The following LGALS3 variants were observed in gnomAD, a reference collection of about 807,000 sequenced individuals.
LGALS3 encodes galectin-3.
Under a neutral mutation model 20.7 loss-of-function variants are expected in LGALS3, and 18 were observed. The observed-to-expected ratio is 0.87, with a 90% CI of 0.60 to 1.29. The LOEUF (loss-of-function observed/expected upper bound fraction) is 1.29, where lower values mean the gene tolerates loss of function less well. LGALS3 is among the 50% of genes most tolerant of loss of function. The pLI is 0.00. For missense variants in LGALS3, 315 were observed against 314.7 expected (o/e 1.00, Z -0.01); for synonymous variants, 112 against 119.6 (o/e 0.94, Z 0.42).
chr14:55,140,190 A>G, intron 3 of LGALS3, 85 bp from the exon 4 acceptor site: 1 of 848,196 alleles, frequency 1.2e-6, no homozygotes, highest in East Asian at 2.6e-5. Context: ...CACACATATT[A>G]ATAGTGATGG....
At chr14:55,142,508 G>T (rs539256073) in intron 4 of LGALS3, 76 bp from the exon 5 acceptor site, 3 of 1,274,604 alleles carry the variant, frequency 2.4e-6, no homozygotes, top group African/African-American at 3.0e-5. Context: ...TTGCTTTTTA[G>T]AAAATTACAT....
intron 4 of LGALS3, 145 bp downstream of exon 4, chr14:55,140,508 G>C (rs1566782802): frequency 5.2e-6 from 3 of 574,660 alleles, no homozygotes; most frequent in Non-Finnish European, 9.3e-6. Flanking sequence ...TTAGAATCTT[G>C]GCTATACCAT....
At position 55,129,523 on chromosome 14, in the gene LGALS3, G is replaced by C. The variant is rs1347341782; in HGVS notation, c.-5+223G>C. On this transcript the variant is annotated intron_variant, in intron 1 of 5. Coordinates refer to ENST00000254301, the MANE Select transcript of LGALS3 (RefSeq NM_002306.4). The surrounding 1 kb of genome is among the most constrained non-coding windows in gnomAD (Gnocchi z 5.3). ...TTGATTATCGAGGGCGCTGGCGTTC[G>C]GGGAAGGTTGGCAGCACCTTACGAG... 6.6e-6 allele frequency among the ~76,000 whole-genome samples: 1 copy of C among 152,028 alleles called. No homozygotes were observed. The highest frequency in any genetic ancestry group is 1.5e-5 in the Non-Finnish European group (1 of 67,968).
At chr14:55,142,551 T>C in intron 4 of LGALS3, 33 bp from the exon 5 acceptor site, 1 of 1,569,772 alleles carries the variant, frequency 6.4e-7, no homozygotes, top group Non-Finnish European at 8.8e-7. Flanking sequence ...ACAGCTTTAA[T>C]CATTTTAATA....
intron 5 of LGALS3, among the ~76,000 whole-genome samples, chr14:55,144,415 A>G (rs896655282): frequency 1.3e-5 from 2 of 152,146 alleles, no homozygotes; most frequent in African/African-American, 2.4e-5. Flanking sequence ...AAGTGTTGGG[A>G]TTACAGGCGT....
intron 5 of LGALS3, 58 bp downstream of exon 5, chr14:55,142,807 T>TA: frequency 6.4e-6 from 9 of 1,412,544 alleles, no homozygotes; most frequent in Non-Finnish European, 8.9e-6. Context: ...GGAATCACTC[T>TA]AAAACCCCAA....
At chr14:55,140,222 T>G (rs1317544673) in intron 3 of LGALS3, 53 bp from the exon 4 acceptor site, 20 of 1,187,314 alleles carry the variant, frequency 1.7e-5, no homozygotes, top group African/African-American at 3.0e-5. Context: ...CATCGTTTTT[T>G]CCCCAAAGAA....
rs1233573597 is a variant in LGALS3 at position 55,129,831 on chromosome 14, A to G, written c.-5+531A>G. On this transcript the variant is annotated intron_variant, in intron 1 of 5. Coordinates refer to ENST00000254301, the MANE Select transcript of LGALS3 (RefSeq NM_002306.4). The surrounding 1 kb of genome is among the most constrained non-coding windows in gnomAD (Gnocchi z 5.3). Reference sequence around the variant, plus strand: ...CGGGGGAGCGAAGGGACTTCCCAGGACTGCATAGGGCGCCTCCCGGGACCC... The same window carrying G: ...CGGGGGAGCGAAGGGACTTCCCAGGGCTGCATAGGGCGCCTCCCGGGACCC... 6.6e-6 allele frequency among the ~76,000 whole-genome samples: 1 copy of G among 152,132 alleles called. No homozygotes were observed. Among genetic ancestry groups the G allele is most frequent in the African/African-American group, 2.4e-5 (1 of 41,428 alleles).
Position 55,138,233 on chromosome 14 carries a change from T to A in LGALS3, c.207T>A (p.Ala69=). 5 of 1,612,632 alleles carry A rather than the reference T, an allele frequency of 3.1e-6. No individual in the cohort carries two copies. Among genetic ancestry groups the A allele is most frequent in the Non-Finnish European group, 4.2e-6 (5 of 1,179,408 alleles). Residue 69 remains alanine, a synonymous_variant, in exon 3 of 6, where the codon GCT becomes GCA. Coordinates refer to ENST00000254301, the MANE Select transcript of LGALS3 (RefSeq NM_002306.4). ...GCGCCTACCCTGGAGCACCTGGAGC[T>A]TATCCCGGAGCACCTGCACCTGGAG... ...PPGAYPGAPG[A]YPGAPAPGVY...
At chr14:55,142,513 T>C in intron 4 of LGALS3, 71 bp from the exon 5 acceptor site, 1 of 1,302,686 alleles carries the variant, frequency 7.7e-7, no homozygotes, top group Non-Finnish European at 1.1e-6. Flanking sequence ...TTTTAGAAAA[T>C]TACATGTTCT....
Position 55,142,671 on chromosome 14 carries a change from C to T in LGALS3, c.519C>T (p.Cys173=). Residue 173 remains cysteine, a synonymous_variant, in exon 5 of 6, where the codon TGC becomes TGT. Transcript: ENST00000254301. ...AGAACAACAGGAGAGTCATTGTTTG[C>T]AATACAAAGCTGGATAATAACTGGG... is the stretch of plus-strand genomic sequence containing the variant. The part of the protein sequence containing the change: ...FNENNRRVIV[C]NTKLDNNWGR... The T allele has an allele frequency of 6.2e-7, 1 of 1,613,356 alleles. No homozygotes were observed. Among genetic ancestry groups the T allele is most frequent in the Non-Finnish European group, 8.5e-7 (1 of 1,179,362 alleles).
chr14:55,138,898 C>G (rs1881519556), intron 3 of LGALS3, among the ~76,000 whole-genome samples: 1 of 152,204 alleles, frequency 6.6e-6, no homozygotes, highest in Non-Finnish European at 1.5e-5. Context: ...CAAGTGAATT[C>G]TAAGTGTAAA....
intron 1 of LGALS3, among the ~76,000 whole-genome samples, chr14:55,133,199 C>G (rs1881282543): frequency 6.6e-6 from 1 of 150,386 alleles, no homozygotes; most frequent in African/African-American, 2.4e-5. Flanking sequence ...GTGATGTTTT[C>G]TATTGGTGTA....
chr14:55,132,252 C>CTCCACT (rs1881254233), intron 1 of LGALS3, among the ~76,000 whole-genome samples: 1 of 152,128 alleles, frequency 6.6e-6, no homozygotes. Context: ...TAGGTGTTTA[C>CTCCACT]AAATGTGGAG....
intron 3 of LGALS3, 66 bp from the exon 4 acceptor site, chr14:55,140,209 C>T: frequency 9.9e-7 from 1 of 1,005,260 alleles, no homozygotes. Context: ...GGAACTTTAG[C>T]AACATCGTTT....
chr14:55,131,194 C>T (rs569106353), intron 1 of LGALS3, among the ~76,000 whole-genome samples: 7 of 152,186 alleles, frequency 4.6e-5, no homozygotes, highest in Non-Finnish European at 7.3e-5. Flanking sequence ...CACTAAGTTA[C>T]GTAAGAAGCA....
intron 5 of LGALS3, among the ~76,000 whole-genome samples, chr14:55,143,149 A>C (rs1386038617): frequency 6.6e-6 from 1 of 152,208 alleles, no homozygotes; most frequent in East Asian, 1.9e-4. Context: ...AAAGTTTATA[A>C]ATTTTTAAAT....
chr14:55,144,336 G>T (rs1881738809), intron 5 of LGALS3, among the ~76,000 whole-genome samples: 1 of 152,134 alleles, frequency 6.6e-6, no homozygotes, highest in South Asian at 2.1e-4. Flanking sequence ...TGTAGAGATG[G>T]GATTTCACCA....
chr14:55,140,216 GT>G (rs1286322636), intron 3 of LGALS3, 58 bp from the exon 4 acceptor site: 11 of 1,123,412 alleles, frequency 9.8e-6, no homozygotes, highest in Non-Finnish European at 1.3e-5. Flanking sequence ...TAGCAACATC[GT>G]TTTTTCCCCA....
Sources: gnomAD v4.1 joint callset for allele counts (sites outside exome capture counted in the v4.1 genomes callset) on GRCh38, gnomAD v4.1.1 for gene constraint, Gnocchi (gnomAD v3.1) non-coding constraint, MANE v1.5 for transcripts, NCBI Gene and HGNC (gene_info 2026-07-23, HGNC 2026-07-21) for gene names.